The following NIPSNAP1 variants were observed in gnomAD, a reference collection of about 807,000 sequenced individuals.
The protein encoded by NIPSNAP1 is nipsnap homolog 1, also known as protein NipSnap homolog 1.
NIPSNAP1 carries 25 observed loss-of-function variants against 49.2 expected under a neutral mutation model. The observed-to-expected ratio is 0.51, with a 90% CI of 0.37 to 0.71. The LOEUF (loss-of-function observed/expected upper bound fraction) is 0.71. NIPSNAP1 is among the 30% of genes least tolerant of loss of function. The pLI, the probability that NIPSNAP1 is intolerant of heterozygous loss-of-function variation, is 0.00. For synonymous variants in NIPSNAP1, 143 were observed against 140.7 expected (o/e 1.02, Z -0.12); for missense variants, 294 against 361.0 (o/e 0.81, Z 1.50).
chr22:29,565,740 T>C (rs2064364314), intron 4 of NIPSNAP1, among the ~76,000 whole-genome samples: 1 of 151,600 alleles, frequency 6.6e-6, no homozygotes, highest in Non-Finnish European at 1.5e-5. Flanking sequence ...TCCCAGCTAC[T>C]CAGGAGGATT....
chr22:29,555,703 A>C lies in NIPSNAP1; in HGVS notation c.*232T>G. The C allele has an allele frequency of 1.8e-6, 1 of 564,288 alleles. No individual in the cohort carries two copies. The highest frequency in any genetic ancestry group is 3.2e-6 in the Non-Finnish European group (1 of 311,462). 35.0% of individuals were successfully genotyped at this position (564,288 alleles called of 1,614,324 possible). A position where few individuals can be genotyped will look rare whatever the true frequency, so the allele number is the denominator to read the frequency against. On this transcript the variant is annotated 3_prime_UTR_variant, in exon 10 of 10. Coordinates refer to ENST00000216121, the MANE Select transcript of NIPSNAP1 (RefSeq NM_003634.4). ...TCACTATCTTTCATTCAGGGAAATC[A>C]GAAACTACTTCTAGCAGGGGGAGGG... is the stretch of plus-strand genomic sequence containing the variant.
At chr22:29,574,274 A>G (rs2348679) in intron 1 of NIPSNAP1, among the ~76,000 whole-genome samples, 34,996 of 100,688 alleles carry the variant, frequency 0.35, 5,946 homozygotes, top group East Asian at 0.43. Context: ...AAAAAAAAAA[A>G]AAAAAAAAAA....
chr22:29,561,952 A>T (rs2146604174), intron 4 of NIPSNAP1, 90 bp from the exon 5 acceptor site: 5 of 1,190,738 alleles, frequency 4.2e-6, no homozygotes, highest in Non-Finnish European at 6.2e-6. Context: ...GGGACGGGGG[A>T]GGCGGGGTGG....
chr22:29,571,146 G>A (rs1370887312), intron 1 of NIPSNAP1, among the ~76,000 whole-genome samples: 1 of 152,098 alleles, frequency 6.6e-6, no homozygotes, highest in Non-Finnish European at 1.5e-5. Flanking sequence ...ATACAAATAA[G>A]CTTTGTCCTT....
intron 7 of NIPSNAP1, 140 bp from the exon 8 acceptor site, chr22:29,560,968 CG>C (rs1569245366): frequency 5.4e-6 from 5 of 917,466 alleles, no homozygotes; most frequent in Non-Finnish European, 5.2e-6. Flanking sequence ...GGACTGATGG[CG>C]GGGTGTTCTA....
At chr22:29,575,623 C>A (rs1021852580) in intron 1 of NIPSNAP1, among the ~76,000 whole-genome samples, 4 of 152,146 alleles carry the variant, frequency 2.6e-5, no homozygotes, top group African/African-American at 9.7e-5. Flanking sequence ...AAACGCTATA[C>A]TAGGATTAGC....
intron 4 of NIPSNAP1, among the ~76,000 whole-genome samples, chr22:29,565,642 G>T (rs2064363731): frequency 6.6e-6 from 1 of 152,150 alleles, no homozygotes; most frequent in African/African-American, 2.4e-5. Flanking sequence ...GAAAGCTGTA[G>T]TGGCTGAAAC....
intron 8 of NIPSNAP1, among the ~76,000 whole-genome samples, chr22:29,559,232 G>A (rs1032922906): frequency 1.1e-5 from 1 of 94,532 alleles, no homozygotes; most frequent in African/African-American, 5.1e-5. Context: ...ACTTTGGTGT[G>A]TCAGCATTTT....
chr22:29,574,289 A>AAGAAAAAG (rs2064434384), intron 1 of NIPSNAP1, among the ~76,000 whole-genome samples: 6 of 125,260 alleles, frequency 4.8e-5, no homozygotes, highest in African/African-American at 1.3e-4. Flanking sequence ...AAAAAAAAAA[A>AAGAAAAAG]AAAGAAAGAA....
At chr22:29,568,840 C>T (rs553903740) in intron 4 of NIPSNAP1, among the ~76,000 whole-genome samples, 1 of 152,204 alleles carries the variant, frequency 6.6e-6, no homozygotes, top group Non-Finnish European at 1.5e-5. Flanking sequence ...AGCAGGCAAA[C>T]AAGAAATAAT....
chr22:29,579,999 G>C (rs1023888494), intron 1 of NIPSNAP1: 3 of 1,018,722 alleles, frequency 2.9e-6, no homozygotes, highest in Non-Finnish European at 4.1e-6. Flanking sequence ...TCTCATGGCA[G>C]GCACTATCAG....
chr22:29,556,268 T>C (rs1218327162), intron 9 of NIPSNAP1, among the ~76,000 whole-genome samples: 3 of 152,184 alleles, frequency 2.0e-5, no homozygotes, highest in African/African-American at 7.2e-5. Flanking sequence ...CTTGTGCCTA[T>C]AATCCCAGCA....
intron 1 of NIPSNAP1, among the ~76,000 whole-genome samples, chr22:29,572,857 C>A (rs1404635235): frequency 6.6e-6 from 1 of 151,622 alleles, no homozygotes; most frequent in Non-Finnish European, 1.5e-5. Context: ...GTGACACATG[C>A]CTGTAGTCTC....
rs1293530774 is a variant in NIPSNAP1 at position 29,570,447 on chromosome 22, G to A, written c.184C>T (p.Leu62=). 6.2e-7 allele frequency: 1 copy of A among 1,614,194 alleles called. No homozygotes were observed. The highest frequency in any genetic ancestry group is 1.1e-5 in the South Asian group (1 of 91,084). Residue 62 remains leucine (L), a synonymous_variant, in exon 2 of 10, where the codon CTG becomes TTG. Transcript: ENST00000216121. ...VDPRKDAHST[L]LSKKETSNLY... ...TTGCTGGTTTCCTTCTTGGACAGCA[G>A]GGTGGAGTGGGCATCCTTCCGGGGA... is the stretch of plus-strand genomic sequence containing the variant.
chr22:29,558,401 G>T (rs182836879), intron 9 of NIPSNAP1, among the ~76,000 whole-genome samples: 2 of 152,008 alleles, frequency 1.3e-5, no homozygotes, highest in Non-Finnish European at 2.9e-5. Context: ...CCTGGGAGGC[G>T]GAGGCTACAG....
intron 8 of NIPSNAP1, among the ~76,000 whole-genome samples, 188 bp from the exon 9 acceptor site, chr22:29,559,141 G>A (rs2146601010): frequency 6.6e-6 from 1 of 152,266 alleles, no homozygotes; most frequent in East Asian, 1.9e-4. Context: ...TGTTAATATT[G>A]CCTACATTTA....
Position 29,564,399 on chromosome 22 carries a change from G to C in NIPSNAP1, c.368-2537C>G, listed in dbSNP as rs565915766. The C allele has an allele frequency of 1.2e-3, 568 of 470,826 alleles. 10 individuals are homozygous for C. Among genetic ancestry groups the C allele is most frequent in the South Asian group, 8.7e-3 (559 of 64,568 alleles). The allele number at this position is 470,826 out of a possible 1,614,324, so 29.2% of individuals were successfully genotyped here. On this transcript the variant is annotated intron_variant, in intron 4 of 9. Coordinates refer to ENST00000216121, the MANE Select transcript of NIPSNAP1 (RefSeq NM_003634.4). ...GTGGAAAACGGATTAACGGAGAAAA[G>C]TTACAAGGACAGCATCATTGGCAAG...
chr22:29,580,693 C>T (rs1387459651), intron 1 of NIPSNAP1, among the ~76,000 whole-genome samples: 1 of 152,126 alleles, frequency 6.6e-6, no homozygotes, highest in Non-Finnish European at 1.5e-5. Context: ...ATGGGCCACT[C>T]CTCCTGTCTT....
chr22:29,576,916 C>G (rs2064457106), intron 1 of NIPSNAP1, among the ~76,000 whole-genome samples: 2 of 148,366 alleles, frequency 1.3e-5, no homozygotes, highest in Admixed American at 6.7e-5. Context: ...CAGAATGAGA[C>G]TCCGTCTCAA....
Sources: allele counts gnomAD v4.1 joint callset (sites outside exome capture counted in the v4.1 genomes callset), GRCh38; gene constraint gnomAD v4.1.1; transcripts MANE v1.5; gene names NCBI Gene and HGNC (gene_info 2026-07-23, HGNC 2026-07-21).